KRT85: variants seen among roughly 807,000 people sequenced by gnomAD.
KRT85 encodes the protein keratin 85.
In KRT85, 39 loss-of-function variants were observed where a neutral mutation model predicts 53.7. The ratio of observed to expected loss-of-function variants is 0.73; its 90% CI spans 0.56 to 0.95. The LOEUF is 0.95. Ranked by LOEUF, KRT85 falls within the 40% of genes least tolerant of loss-of-function variation. The pLI is 0.00. For missense variants in KRT85, 668 were observed against 686.0 expected (o/e 0.97, Z 0.29); for synonymous variants, 291 against 277.5 (o/e 1.05, Z -0.48).
In KRT85 at chr12:52,360,655, G is replaced by A. The variant is rs1008023942; in HGVS notation, c.*198C>T. On this transcript the variant is annotated 3_prime_UTR_variant, in exon 9 of 9. Transcript: ENST00000257901. ...ATGCCTCTGAAAACAGCTGCCAGGA[G>A]GACAACTAGGATGCATCTCCCTAGC... 6.4e-6 allele frequency: 4 copies of A among 622,016 alleles called. No homozygotes were observed. The highest frequency in any genetic ancestry group is 3.7e-5 in the African/African-American group (2 of 54,524). The allele number at this position is 622,016 out of a possible 1,614,324, so 38.5% of individuals were successfully genotyped here.
intron 4 of KRT85, 35 bp from the exon 5 acceptor site, chr12:52,363,445 T>G: frequency 6.2e-7 from 1 of 1,613,596 alleles, no homozygotes; most frequent in Non-Finnish European, 8.5e-7. Flanking sequence ...TTGCTTCTAG[T>G]GCCTGATCTG....
At position 52,364,169 on chromosome 12, in the gene KRT85, C is replaced by A. The variant is rs377299892; in HGVS notation, c.691-6G>T. ...AGGTAGGCACAGTCCACGTCCTGGCCGTGGGACAAAGAGGAGGGGACATGC... is the reference window on the plus strand; with the variant it reads ...AGGTAGGCACAGTCCACGTCCTGGCAGTGGGACAAAGAGGAGGGGACATGC... On this transcript the variant is annotated splice_region_variant and splice_polypyrimidine_tract_variant and intron_variant, in intron 3 of 8. Coordinates refer to ENST00000257901, the MANE Select transcript of KRT85 (RefSeq NM_002283.4). 6.2e-7 allele frequency: 1 copy of A among 1,614,096 alleles called. No homozygotes were observed. Among genetic ancestry groups the A allele is most frequent in the Non-Finnish European group, 8.5e-7 (1 of 1,179,974 alleles).
At chr12:52,366,632 T>C (rs996768273) in intron 1 of KRT85, among the ~76,000 whole-genome samples, 1 of 151,898 alleles carries the variant, frequency 6.6e-6, no homozygotes, top group Non-Finnish European at 1.5e-5. Flanking sequence ...CTCACACACA[T>C]GTACACACTC....
rs770111482 is a variant in KRT85, at chr12:52,364,148, A to G, written c.706T>C (p.Tyr236His). The G allele has an allele frequency of 6.2e-7, 1 of 1,614,156 alleles. No homozygotes were observed. Among genetic ancestry groups the G allele is most frequent in the Non-Finnish European group, 8.5e-7 (1 of 1,180,010 alleles). The change falls in exon 4 of 9, where the codon TAC becomes CAC. Residue 236 changes from tyrosine (Y) to histidine (H), a missense_variant. Transcript: ENST00000257901. Reference sequence around the variant, plus strand: ...GCCTCCAGGTCTGATTTCCGCAGGTAGGCACAGTCCACGTCCTGGCCGTGG... The same window carrying G: ...GCCTCCAGGTCTGATTTCCGCAGGTGGGCACAGTCCACGTCCTGGCCGTGG... ...VVLKKDVDCAYLRKSDLEANV... is the reference protein window; with the variant it reads ...VVLKKDVDCAHLRKSDLEANV...
chr12:52,364,299 C>T lies in KRT85; in HGVS notation c.690+7G>A, dbSNP rs200075975. ...CCCTCCTCCTTGCCCCATGACCAGC[C>T]CCTCACCTTCTTTAGAACGACAAAC... On this transcript the variant is annotated splice_region_variant and intron_variant, in intron 3 of 8. Transcript: ENST00000257901. The T allele has an allele frequency of 5.0e-6, 8 of 1,614,182 alleles. No individual in the cohort carries two copies. Among genetic ancestry groups the T allele is most frequent in the African/African-American group, 1.3e-5 (1 of 75,052 alleles).
At chr12:52,363,530 T>A in intron 4 of KRT85, 120 bp from the exon 5 acceptor site, 1 of 1,051,438 alleles carries the variant, frequency 9.5e-7, no homozygotes, top group Non-Finnish European at 1.5e-6. Flanking sequence ...ACATGACTCC[T>A]GCTCCTACCA....
chr12:52,364,763 C>A, intron 2 of KRT85, 199 bp downstream of exon 2: 1 of 1,372,212 alleles, frequency 7.3e-7, no homozygotes, highest in Non-Finnish European at 9.9e-7. Flanking sequence ...CCAGAAGTAG[C>A]TCTAAGGCTC....
In KRT85 at chr12:52,367,295, G is replaced by A; in HGVS notation, c.111C>T (p.Ala37=). 2 of 1,613,600 alleles carry A rather than the reference G, an allele frequency of 1.2e-6. No individual in the cohort carries two copies. The highest frequency in any genetic ancestry group is 1.7e-6 in the Non-Finnish European group (2 of 1,179,696). Residue 37 remains alanine (A), a synonymous_variant, in exon 1 of 9, where the codon GCC becomes GCT. Transcript: ENST00000257901. ...KTGNRCCISA[A]PYRGVSCYRG... ...GGTAGCAGGACACCCCTCGGTAGGG[G>A]GCGGCGCTGATGCAGCAGCGGTTGC...
intron 6 of KRT85, 78 bp downstream of exon 6, chr12:52,362,776 G>A (rs1400068235): frequency 6.2e-7 from 1 of 1,606,362 alleles, no homozygotes; most frequent in Non-Finnish European, 8.5e-7. Flanking sequence ...CTTCCTCATG[G>A]GCACACTGTG....
rs563455397 is a variant in KRT85, at chr12:52,362,206, C to A, written c.1298+45G>T. ...TCAAGGAAATTCACTCCTGGAGGACCACAGCCTCCACCTCTGAAACCCCAC... is the reference window on the plus strand; with the variant it reads ...TCAAGGAAATTCACTCCTGGAGGACAACAGCCTCCACCTCTGAAACCCCAC... On this transcript the variant is annotated intron_variant, in intron 7 of 8. Transcript: ENST00000257901. 1.8e-5 allele frequency: 29 copies of A among 1,613,458 alleles called. 1 individual carries two copies. The South Asian group carries it at 3.2e-4, about 18-fold the overall frequency.
At position 52,367,232 on chromosome 12, in the gene KRT85, G is replaced by A. The variant is rs754391585; in HGVS notation, c.174C>T (p.Asn58=). Residue 58 remains asparagine (N), a synonymous_variant, in exon 1 of 9, where the codon AAC becomes AAT. Coordinates refer to ENST00000257901, the MANE Select transcript of KRT85 (RefSeq NM_002283.4). ...CTATCCGGGGCCCGCAGGAGCCCAG[G>A]TTGCAGAGGCTGCGGCTGCCGAAGC... ...LTGFGSRSLC[N]LGSCGPRIAV... is the part of the protein sequence containing the mutation. 4 of 1,613,214 alleles carry A rather than the reference G, an allele frequency of 2.5e-6. No homozygotes were observed. Among genetic ancestry groups the A allele is most frequent in the Admixed American group, 3.3e-5 (2 of 59,974 alleles).
At chr12:52,364,672 GC>G in intron 2 of KRT85, 1 of 1,437,840 alleles carries the variant, frequency 7.0e-7, no homozygotes. Flanking sequence ...AGATCACAGA[GC>G]CCATGTCATA....
chr12:52,367,192 G>A lies in KRT85; in HGVS notation c.214C>T (p.Arg72Ter). The part of the protein sequence containing the change: ...CGPRIAVGGF[R>*]AGSCGRSFGY... ...AAGCTGCGTCCGCAGGAGCCGGCTCGGAAGCCACCTACAGCTATCCGGGGC... is the reference window on the plus strand; with the variant it reads ...AAGCTGCGTCCGCAGGAGCCGGCTCAGAAGCCACCTACAGCTATCCGGGGC... Residue 72 changes from arginine (R) to a stop codon, truncating the protein, a stop_gained, in exon 1 of 9, where the codon CGA (arginine) becomes TGA (stop). Transcript: ENST00000257901. LOFTEE classifies it high-confidence loss of function. The A allele has an allele frequency of 1.2e-6, 2 of 1,613,852 alleles. No individual in the cohort carries two copies. Among genetic ancestry groups the A allele is most frequent in the Non-Finnish European group, 1.7e-6 (2 of 1,179,972 alleles).
intron 6 of KRT85, 34 bp downstream of exon 6, chr12:52,362,804 GGTGCTGCAGCCTGCCT>G: frequency 6.2e-7 from 1 of 1,614,012 alleles, no homozygotes; most frequent in Non-Finnish European, 8.5e-7. Context: ...ATTAGGGCCA[GGTGCTGCAGCCTGCCT>G]GTGCTGCGTA....
In KRT85 at chr12:52,364,339, G is replaced by A; in HGVS notation, c.657C>T (p.Ala219=). ...KKYEEEVALR[A]TAENEFVVLK... is the part of the protein sequence containing the mutation. ...GAACGACAAACTCATTCTCTGCTGT[G>A]GCTCTCAGGGCCACCTCCTCTTCAT... The change falls in exon 3 of 9, where the codon GCC becomes GCT. Residue 219 remains alanine (A), a synonymous_variant. Transcript: ENST00000257901. 1 of 1,614,146 alleles carries A rather than the reference G, an allele frequency of 6.2e-7. No homozygotes were observed. The highest frequency in any genetic ancestry group is 8.5e-7 in the Non-Finnish European group (1 of 1,180,026).
At position 52,365,185 on chromosome 12, in the gene KRT85, G is replaced by A. The variant is rs1024410757; in HGVS notation, c.421-15C>T. 5 of 1,613,822 alleles carry A rather than the reference G, an allele frequency of 3.1e-6. No homozygotes were observed. The highest frequency in any genetic ancestry group is 1.3e-5 in the African/African-American group (1 of 74,926). On this transcript the variant is annotated splice_polypyrimidine_tract_variant and intron_variant, in intron 1 of 8. Transcript: ENST00000257901. ...AGGAAGCGCACCTGCCATTCAGGTG[G>A]AAAGAAGAAGTCAGAGGGAGCCTGG...
At chr12:52,366,857 G>T in intron 1 of KRT85, 129 bp downstream of exon 1, 1 of 1,478,038 alleles carries the variant, frequency 6.8e-7, no homozygotes, top group Non-Finnish European at 9.4e-7. Context: ...CCTTCCACCT[G>T]TATGGGTCTG....
At chr12:52,364,650 C>T in intron 2 of KRT85, 1 of 1,437,718 alleles carries the variant, frequency 7.0e-7, no homozygotes, top group Admixed American at 2.8e-5. Context: ...AGAGCTGGTT[C>T]CATTGGCAGG....
At chr12:52,366,799 C>T (rs1246739495) in intron 1 of KRT85, among the ~76,000 whole-genome samples, 187 bp downstream of exon 1, 1 of 152,200 alleles carries the variant, frequency 6.6e-6, no homozygotes, top group Non-Finnish European at 1.5e-5. Flanking sequence ...TTCTAGACCA[C>T]ACCTGGACCT....
Sources: gnomAD v4.1 joint callset for allele counts (sites outside exome capture counted in the v4.1 genomes callset) on GRCh38, gnomAD v4.1.1 for gene constraint, MANE v1.5 for transcripts, NCBI Gene and HGNC (gene_info 2026-07-23, HGNC 2026-07-21) for gene names.